The following RGS7 variants were observed in gnomAD, a reference collection of about 807,000 sequenced individuals.
RGS7 encodes regulator of G-protein signaling 7.
RGS7 carries 27 observed loss-of-function variants against 81.1 expected under a neutral mutation model. The observed-to-expected ratio is 0.33, with a 90% CI of 0.25 to 0.46. The LOEUF is 0.46. Ranked by LOEUF, RGS7 falls within the 20% of genes least tolerant of loss-of-function variation. RGS7 has a pLI of 1.00. For synonymous variants in RGS7, 208 were observed against 207.7 expected (o/e 1.00, Z -0.01); for missense variants, 396 against 607.4 (o/e 0.65, Z 3.66).
At chr1:240,952,402 T>C (rs1220037325) in intron 4 of RGS7, among the ~76,000 whole-genome samples, 1 of 152,064 alleles carries the variant, frequency 6.6e-6, no homozygotes, top group Non-Finnish European at 1.5e-5. Context: ...ACCTTCATGG[T>C]ATATGAAACA....
chr1:241,076,211 C>G (rs2062789347), intron 3 of RGS7, among the ~76,000 whole-genome samples: 1 of 152,016 alleles, frequency 6.6e-6, no homozygotes, highest in Non-Finnish European at 1.5e-5. Context: ...TCGAATGGAG[C>G]CTCTTCTAGG....
At chr1:241,098,059 T>C (rs1315158140) in intron 3 of RGS7, among the ~76,000 whole-genome samples, 1 of 152,226 alleles carries the variant, frequency 6.6e-6, no homozygotes, top group African/African-American at 2.4e-5. Context: ...CCTTACTGAA[T>C]GCCAATTTAT....
At chr1:240,960,028 C>T (rs1449110876) in intron 4 of RGS7, among the ~76,000 whole-genome samples, 1 of 151,596 alleles carries the variant, frequency 6.6e-6, no homozygotes, top group African/African-American at 2.4e-5. Flanking sequence ...GGTGTGGTGG[C>T]GTGTGCCTGC....
chr1:241,232,267 C>T (rs1233239819), intron 2 of RGS7, among the ~76,000 whole-genome samples: 1 of 152,000 alleles, frequency 6.6e-6, no homozygotes, highest in African/African-American at 2.4e-5. Flanking sequence ...GCTCACTGCA[C>T]CCTTGGACTC....
intron 3 of RGS7, among the ~76,000 whole-genome samples, chr1:241,071,364 A>G (rs2062429839): frequency 6.6e-6 from 1 of 152,214 alleles, no homozygotes; most frequent in Non-Finnish European, 1.5e-5. Context: ...AAGCTAGATT[A>G]GCCTAAAAAA....
chr1:241,132,429 A>T (rs1295921407), intron 2 of RGS7: 1 of 153,818 alleles, frequency 6.5e-6, no homozygotes, highest in African/African-American at 2.4e-5. Context: ...GACAGACAGG[A>T]CCCCTGTCCC....
At chr1:241,052,472 T>C (rs3003552) in intron 3 of RGS7, among the ~76,000 whole-genome samples, 148,634 of 152,252 alleles carry the variant, frequency 0.98, 72,656 homozygotes, top group East Asian at 1. Flanking sequence ...CCATGCACAG[T>C]GTCATGTACC....
intron 3 of RGS7, chr1:240,998,831 G>A (rs1021850585): frequency 3.8e-5 from 22 of 578,716 alleles, no homozygotes; most frequent in African/African-American, 2.4e-4. Context: ...TGCCGGACGC[G>A]GATGGACCGA....
chr1:241,258,300 T>C (rs1238651714), intron 2 of RGS7, among the ~76,000 whole-genome samples: 1 of 152,076 alleles, frequency 6.6e-6, no homozygotes, highest in Non-Finnish European at 1.5e-5. Context: ...CAAATTGACA[T>C]GGGACGTGAA....
At chr1:240,995,984 T>C (rs1687224953) in intron 3 of RGS7, among the ~76,000 whole-genome samples, 1 of 151,998 alleles carries the variant, frequency 6.6e-6, no homozygotes, top group Non-Finnish European at 1.5e-5. Flanking sequence ...TTAGCAGTGT[T>C]CCACAAATTG....
At chr1:240,780,913 C>CAAAA (rs35853032) in intron 18 of RGS7, among the ~76,000 whole-genome samples, 2 of 64,220 alleles carry the variant, frequency 3.1e-5, no homozygotes, top group South Asian at 6.0e-4. Context: ...GACTCTGTCT[C>CAAAA]AAAAAAAAAA....
chr1:241,145,321 G>T (rs1375144140), intron 2 of RGS7, among the ~76,000 whole-genome samples: 2 of 152,068 alleles, frequency 1.3e-5, no homozygotes, highest in African/African-American at 4.8e-5. Flanking sequence ...ATTTGCTCCA[G>T]GCAGAGTTTG....
chr1:241,347,867 T>C (rs1280349111), intron 2 of RGS7, among the ~76,000 whole-genome samples: 1 of 152,240 alleles, frequency 6.6e-6, no homozygotes, highest in Non-Finnish European at 1.5e-5. Flanking sequence ...CCATGGTCTA[T>C]GGTCTTCCTT....
chr1:240,803,005 T>G lies in RGS7; in HGVS notation c.1270-12A>C. On this transcript the variant is annotated splice_polypyrimidine_tract_variant and intron_variant, in intron 15 of 18. Coordinates refer to ENST00000440928, the MANE Select transcript of RGS7 (RefSeq NM_001364886.1). ...TTGTAAATGTGCTCCTAAAAAGAAA[T>G]AATGGTTGAGGTGCTTCTTTATGAT... The G allele has an allele frequency of 1.9e-6, 3 of 1,558,090 alleles. No individual in the cohort carries two copies. The highest frequency in any genetic ancestry group is 2.7e-6 in the Non-Finnish European group (3 of 1,129,266).
chr1:241,349,713 C>A (rs947189903), intron 2 of RGS7, among the ~76,000 whole-genome samples: 6 of 152,264 alleles, frequency 3.9e-5, no homozygotes, highest in African/African-American at 1.4e-4. Context: ...AGGATAGAAG[C>A]CTGAGTAACC....
intron 16 of RGS7, 124 bp from the exon 17 acceptor site, chr1:240,801,632 T>C: frequency 1.3e-6 from 1 of 759,514 alleles, no homozygotes; most frequent in Non-Finnish European, 2.3e-6. Context: ...AAATCCATGT[T>C]CTAAATCAGA....
rs1390698656 is a variant in RGS7 at position 241,030,797 on chromosome 1, C to T, written c.176-47668G>A. 8.5e-5 allele frequency among the ~76,000 whole-genome samples: 13 copies of T among 152,100 alleles called. No homozygotes were observed. The East Asian group carries it at 2.5e-3, about 29-fold the overall frequency. ...GAAGTAATCATTTAAAAATACTCCT[C>T]TTAAAAAAATCCTCCCCACATGGTA... On this transcript the variant is annotated intron_variant, in intron 3 of 18. Transcript: ENST00000440928.
At chr1:241,024,381 A>G (rs1428174595) in intron 3 of RGS7, among the ~76,000 whole-genome samples, 1 of 152,182 alleles carries the variant, frequency 6.6e-6, no homozygotes, top group Non-Finnish European at 1.5e-5. Flanking sequence ...AGTACCTGAG[A>G]TTTGTGCTTA....
At chr1:241,017,961 C>T (rs113963848) in intron 3 of RGS7, among the ~76,000 whole-genome samples, 1 of 110,762 alleles carries the variant, frequency 9.0e-6, no homozygotes. Flanking sequence ...TGCTTTGTCT[C>T]TCTATTTCTT....
Sources: allele counts gnomAD v4.1 joint callset (sites outside exome capture counted in the v4.1 genomes callset), GRCh38; gene constraint gnomAD v4.1.1; transcripts MANE v1.5; gene names NCBI Gene and HGNC (gene_info 2026-07-23, HGNC 2026-07-21).